TPH2: variants seen among roughly 807,000 people sequenced by gnomAD.
TPH2 encodes tryptophan 5-hydroxylase 2.
TPH2 carries 27 observed loss-of-function variants against 59.1 expected under a neutral mutation model. The observed-to-expected ratio is 0.46, with a 90% CI of 0.34 to 0.63. TPH2 has a LOEUF of 0.63. TPH2 is among the 30% of genes least tolerant of loss of function. TPH2 has a pLI of 0.01. For synonymous variants in TPH2, 220 were observed against 210.5 expected (o/e 1.05, Z -0.39); for missense variants, 523 against 588.3 (o/e 0.89, Z 1.15).
At chr12:72,024,637 C>T (rs532164180) in intron 9 of TPH2, among the ~76,000 whole-genome samples, 10 of 152,270 alleles carry the variant, frequency 6.6e-5, no homozygotes, top group South Asian at 2.1e-4. Context: ...CCTCCTCAGA[C>T]GGTTTATAAG....
At chr12:71,989,309 A>G (rs546446218) in intron 7 of TPH2, among the ~76,000 whole-genome samples, 2 of 152,320 alleles carry the variant, frequency 1.3e-5, no homozygotes, top group East Asian at 1.9e-4. Context: ...TCCCCTTATC[A>G]TCTTATGCAG....
intron 8 of TPH2, among the ~76,000 whole-genome samples, chr12:72,002,219 A>G (rs1872840637): frequency 6.6e-6 from 1 of 152,144 alleles, no homozygotes; most frequent in Non-Finnish European, 1.5e-5. Flanking sequence ...AAAAAGATAA[A>G]TGCCATGCAA....
chr12:71,962,750 T>C (rs1374914662), intron 5 of TPH2: 6 of 920,512 alleles, frequency 6.5e-6, no homozygotes, highest in African/African-American at 1.8e-5. Context: ...TGAGATAGAG[T>C]ATCTGTCATC....
intron 5 of TPH2, among the ~76,000 whole-genome samples, chr12:71,961,165 C>T (rs976905532): frequency 3.9e-5 from 6 of 152,218 alleles, no homozygotes; most frequent in African/African-American, 1.4e-4. Flanking sequence ...TAGAGCTAGC[C>T]TTCCTATAGC....
intron 8 of TPH2, among the ~76,000 whole-genome samples, chr12:71,995,779 A>AT (rs1872679041): frequency 1.3e-5 from 2 of 152,078 alleles, no homozygotes; most frequent in South Asian, 4.2e-4. Flanking sequence ...GATCTCCTAA[A>AT]TTTTTTAGAG....
intron 7 of TPH2, among the ~76,000 whole-genome samples, chr12:71,991,281 T>G (rs1481587821): frequency 6.6e-6 from 1 of 152,230 alleles, no homozygotes; most frequent in African/African-American, 2.4e-5. Context: ...TTGGATTGGC[T>G]TTCTTCAAGT....
intron 10 of TPH2, 53 bp downstream of exon 10, chr12:72,031,444 T>C (rs982749588): frequency 5.5e-5 from 89 of 1,612,888 alleles, no homozygotes; most frequent in Non-Finnish European, 7.4e-5. Context: ...TTTTTCTGTC[T>C]CTATTCCTTC....
At position 72,031,507 on chromosome 12, in the gene TPH2, T is replaced by C. The variant is rs746157764; in HGVS notation, c.1299-14T>C. On this transcript the variant is annotated splice_polypyrimidine_tract_variant and intron_variant, in intron 10 of 10. Transcript: ENST00000333850. ...GGTTGATCACATCTCTTTCTACTTC[T>C]GTTTATTCTGCAGGGACTTTGCAAA... The C allele has an allele frequency of 6.8e-6, 11 of 1,613,398 alleles. No individual in the cohort carries two copies. The highest frequency in any genetic ancestry group is 8.5e-6 in the Non-Finnish European group (10 of 1,179,620).
chr12:72,023,848 TAAC>T (rs1873497093), intron 9 of TPH2, among the ~76,000 whole-genome samples: 1 of 67,778 alleles, frequency 1.5e-5, no homozygotes, highest in African/African-American at 4.9e-5. Flanking sequence ...AAAATAATGA[TAAC>T]AGCCAGAACA....
chr12:71,941,545 A>G (rs779027762), intron 1 of TPH2, 39 bp from the exon 2 acceptor site: 1 of 1,602,744 alleles, frequency 6.2e-7, no homozygotes, highest in East Asian at 2.3e-5. Context: ...TGGAACCCTA[A>G]CTAATATTTT....
chr12:71,966,334 G>T (rs2139198868), intron 5 of TPH2, among the ~76,000 whole-genome samples: 1 of 152,198 alleles, frequency 6.6e-6, no homozygotes, highest in East Asian at 1.9e-4. Context: ...TTTACATACA[G>T]TAAAATTATA....
chr12:71,985,040 C>T (rs1421488081), intron 7 of TPH2, among the ~76,000 whole-genome samples: 1 of 152,186 alleles, frequency 6.6e-6, no homozygotes, highest in Non-Finnish European at 1.5e-5. Flanking sequence ...CAACTGGACA[C>T]AGGTTTACTG....
intron 7 of TPH2, among the ~76,000 whole-genome samples, chr12:71,982,284 C>T (rs937177995): frequency 4.0e-5 from 6 of 151,632 alleles, no homozygotes; most frequent in African/African-American, 1.5e-4. Flanking sequence ...GGATTACAGG[C>T]CATTCATTTG....
chr12:72,010,731 G>T (rs1350448256), intron 8 of TPH2, among the ~76,000 whole-genome samples: 1 of 152,114 alleles, frequency 6.6e-6, no homozygotes, highest in African/African-American at 2.4e-5. Flanking sequence ...CCCTCTAAAA[G>T]GCAGTGGTGA....
In TPH2 at chr12:71,956,504, C is replaced by CTT. The variant is rs1258028797; in HGVS notation, c.608+6849_608+6850insTT. ...CCCTCCTTCCCTCCTTCTTTCCCTC[C>CTT]CTCCCTCCTTCCCTCCTTCCCTCCT... On this transcript the variant is annotated intron_variant, in intron 5 of 10. Coordinates refer to ENST00000333850, the MANE Select transcript of TPH2 (RefSeq NM_173353.4). 3.5e-3 allele frequency among the ~76,000 whole-genome samples: 28 copies of CTT among 8,006 alleles called. 1 individual carries two copies. The highest frequency in any genetic ancestry group is 0.056 in the Middle Eastern group (1 of 18). 5.3% of individuals were successfully genotyped at this position (8,006 alleles called of 152,430 possible). A position where few individuals can be genotyped will look rare whatever the true frequency, so the allele number is the denominator to read the frequency against.
At chr12:72,030,955 G>A (rs1009209479) in intron 9 of TPH2, among the ~76,000 whole-genome samples, 3 of 151,996 alleles carry the variant, frequency 2.0e-5, no homozygotes, top group Non-Finnish European at 4.4e-5. Flanking sequence ...CATTTCTGTG[G>A]GGGAATAGCT....
chr12:71,968,709 ACCT>A (rs2139200684), intron 5 of TPH2, among the ~76,000 whole-genome samples: 1 of 152,112 alleles, frequency 6.6e-6, no homozygotes, highest in African/African-American at 2.4e-5. Flanking sequence ...TCAAACACTG[ACCT>A]CCTCACAATG....
chr12:71,991,203 T>C (rs571223160), intron 7 of TPH2, among the ~76,000 whole-genome samples: 1 of 152,338 alleles, frequency 6.6e-6, no homozygotes, highest in East Asian at 1.9e-4. Flanking sequence ...ACTGCTAACT[T>C]TTCACCTTAC....
At chr12:72,031,183 T>C (rs991915240) in intron 9 of TPH2, 75 bp from the exon 10 acceptor site, 90 of 1,590,440 alleles carry the variant, frequency 5.7e-5, no homozygotes, top group Non-Finnish European at 7.4e-5. Context: ...ATCAAATGTG[T>C]TGTAAAAATG....
Sources: allele counts gnomAD v4.1 joint callset (sites outside exome capture counted in the v4.1 genomes callset), GRCh38; gene constraint gnomAD v4.1.1; transcripts MANE v1.5; gene names NCBI Gene and HGNC (gene_info 2026-07-23, HGNC 2026-07-21).